GRK5: variants seen among roughly 807,000 people sequenced by gnomAD.
GRK5 encodes g protein-coupled receptor kinase GRK5.
In GRK5, 40 loss-of-function variants were observed where a neutral mutation model predicts 78.4. That is an observed-to-expected ratio of 0.51 (90% confidence interval 0.40 to 0.66). The LOEUF (loss-of-function observed/expected upper bound fraction) is 0.66. GRK5 is among the 30% of genes least tolerant of loss of function. The pLI, the probability that GRK5 is intolerant of heterozygous loss-of-function variation, is 0.00. For missense variants in GRK5, 598 were observed against 759.9 expected (o/e 0.79, Z 2.50); for synonymous variants, 289 against 296.8 (o/e 0.97, Z 0.27).
At chr10:119,347,463 TTG>T (rs1044115717) in intron 2 of GRK5, among the ~76,000 whole-genome samples, 10 of 152,276 alleles carry the variant, frequency 6.6e-5, no homozygotes, top group Admixed American at 3.3e-4. Context: ...ATGTGCGTGT[TTG>T]TGTGTGCATG....
intron 1 of GRK5, among the ~76,000 whole-genome samples, chr10:119,294,160 G>A (rs1234515234): frequency 1.3e-5 from 2 of 152,174 alleles, no homozygotes; most frequent in South Asian, 2.1e-4. Context: ...AGGCATGTGT[G>A]GTGATGAGAA....
intron 4 of GRK5, among the ~76,000 whole-genome samples, chr10:119,421,516 C>T (rs1431262472): frequency 6.6e-6 from 1 of 152,218 alleles, no homozygotes; most frequent in Non-Finnish European, 1.5e-5. Context: ...CCCATGACAT[C>T]GAGGATCTTT....
chr10:119,378,933 G>T lies in GRK5; in HGVS notation c.149-1882G>T, dbSNP rs747394126. Among the ~76,000 whole-genome samples, 1 of 152,218 alleles carries T rather than the reference G, an allele frequency of 6.6e-6. No homozygotes were observed. The highest frequency in any genetic ancestry group is 2.4e-5 in the African/African-American group (1 of 41,448). Reference sequence around the variant, plus strand: ...CTCTGATTGGCTGTGACTAAGTGACGTGTCCATCCGTGACCGTAGCACTGT... The same window carrying T: ...CTCTGATTGGCTGTGACTAAGTGACTTGTCCATCCGTGACCGTAGCACTGT... On this transcript the variant is annotated intron_variant, in intron 2 of 15. Transcript: ENST00000392870. The surrounding 1 kb of genome is among the most constrained non-coding windows in gnomAD (Gnocchi z 4.5).
At chr10:119,351,631 T>C (rs759130088) in intron 2 of GRK5, among the ~76,000 whole-genome samples, 4 of 152,026 alleles carry the variant, frequency 2.6e-5, no homozygotes, top group Admixed American at 6.6e-5. Context: ...TCAAGCAGAG[T>C]GAGGATGGAC....
At chr10:119,368,055 C>G (rs140210958) in intron 2 of GRK5, among the ~76,000 whole-genome samples, 2 of 152,230 alleles carry the variant, frequency 1.3e-5, no homozygotes, top group African/African-American at 4.8e-5. Context: ...CCCGGCCCTC[C>G]GTGGCTTTTG....
At chr10:119,308,289 C>G (rs1850304080) in intron 1 of GRK5, among the ~76,000 whole-genome samples, 1 of 152,122 alleles carries the variant, frequency 6.6e-6, no homozygotes. Flanking sequence ...CTCACCCTGC[C>G]CCGGCCTCAG....
At position 119,336,960 on chromosome 10, in the gene GRK5, AAGGCACGAGCTC is replaced by A. The variant is rs1349537616; in HGVS notation, c.148+10356_148+10367del. Among the ~76,000 whole-genome samples the A allele has an allele frequency of 6.6e-6, 1 of 152,100 alleles. No individual in the cohort carries two copies. Among genetic ancestry groups the A allele is most frequent in the Non-Finnish European group, 1.5e-5 (1 of 68,026 alleles). On this transcript the variant is annotated intron_variant, in intron 2 of 15. Transcript: ENST00000392870. This position sits in a 1 kb window ranked among gnomAD's most constrained non-coding sequence, Gnocchi z 4.5. The stretch of plus-strand genomic sequence containing the variant: ...TACGGCCGGAAGCTCCTTGAAAGAG[AAGGCACGAGCTC>A]AGGCACATGCAAGATGCCCAGCGAT...
intron 3 of GRK5, among the ~76,000 whole-genome samples, chr10:119,394,363 T>TACGTGG (rs1851975822): frequency 1.8e-5 from 2 of 109,582 alleles, no homozygotes; most frequent in African/African-American, 3.6e-5. Flanking sequence ...GGTGTGTGGG[T>TACGTGG]GTGTGTGGGT....
chr10:119,344,338 C>T (rs1392234407), intron 2 of GRK5, among the ~76,000 whole-genome samples: 1 of 152,140 alleles, frequency 6.6e-6, no homozygotes, highest in Admixed American at 6.5e-5. Context: ...GCTTCCCCCA[C>T]CCCACGACAG....
At chr10:119,426,335 CG>C (rs199536812) in intron 6 of GRK5, among the ~76,000 whole-genome samples, 2,561 of 152,264 alleles carry the variant, frequency 0.017, 76 homozygotes, top group African/African-American at 0.059. Context: ...CCTTAGTGGC[CG>C]CTGTCCACCC....
chr10:119,363,836 G>A (rs1310244908), intron 2 of GRK5, among the ~76,000 whole-genome samples: 1 of 152,216 alleles, frequency 6.6e-6, no homozygotes, highest in African/African-American at 2.4e-5. Flanking sequence ...AGGTGGCAGG[G>A]AAGTCTTTCT....
chr10:119,427,270 A>ATC, intron 6 of GRK5, among the ~76,000 whole-genome samples: 1 of 6,826 alleles, frequency 1.5e-4, no homozygotes, highest in East Asian at 1.7e-3. Context: ...CATCAGCATC[A>ATC]ACCACCATCT....
At chr10:119,327,170 C>A (rs1021970672) in intron 2 of GRK5, among the ~76,000 whole-genome samples, 1 of 152,186 alleles carries the variant, frequency 6.6e-6, no homozygotes, top group African/African-American at 2.4e-5. Flanking sequence ...TCCTGAGGAG[C>A]CACTGGGCTC....
chr10:119,268,778 AGGGTTGGACT>A (rs1849541173), intron 1 of GRK5, among the ~76,000 whole-genome samples: 1 of 152,234 alleles, frequency 6.6e-6, no homozygotes, highest in East Asian at 1.9e-4. Context: ...AGTAATGAAT[AGGGTTGGACT>A]GGTGCTGCCT....
chr10:119,333,807 C>G lies in GRK5; in HGVS notation c.148+7196C>G, dbSNP rs372694414. ...CGCTGATCTCCTGGAGCTCATCCAC[C>G]AAGGAGCATGGGAGACCAACTGAAA... On this transcript the variant is annotated intron_variant, in intron 2 of 15. Coordinates refer to ENST00000392870, the MANE Select transcript of GRK5 (RefSeq NM_005308.3). The G allele has an allele frequency of 5.6e-6, 3 of 532,996 alleles. No homozygotes were observed. In the African/African-American group the frequency reaches 5.8e-5, roughly 10 times the overall value. 33.0% of individuals were successfully genotyped at this position (532,996 alleles called of 1,614,324 possible). A position where few individuals can be genotyped will look rare whatever the true frequency, so the allele number is the denominator to read the frequency against.
At chr10:119,405,758 C>T (rs574467467) in intron 4 of GRK5, among the ~76,000 whole-genome samples, 14 of 152,264 alleles carry the variant, frequency 9.2e-5, no homozygotes, top group Non-Finnish European at 1.8e-4. Context: ...ATAAAAATGG[C>T]GCCTACCTGT....
chr10:119,288,019 A>G (rs1456334980), intron 1 of GRK5, among the ~76,000 whole-genome samples: 1 of 152,146 alleles, frequency 6.6e-6, no homozygotes, highest in East Asian at 1.9e-4. Flanking sequence ...GACGGTCCTC[A>G]CAGGTAGAAC....
chr10:119,302,883 G>T (rs1037841876), intron 1 of GRK5, among the ~76,000 whole-genome samples: 3 of 152,196 alleles, frequency 2.0e-5, no homozygotes, highest in African/African-American at 7.2e-5. Flanking sequence ...CTGCCCTACT[G>T]CTGTATATGC....
At chr10:119,437,926 T>C (rs1240564137) in intron 9 of GRK5, among the ~76,000 whole-genome samples, 1 of 152,130 alleles carries the variant, frequency 6.6e-6, no homozygotes, top group East Asian at 1.9e-4. Context: ...GGTGAAACCC[T>C]GTCTCTACTA....
Sources: allele counts gnomAD v4.1 joint callset (sites outside exome capture counted in the v4.1 genomes callset), GRCh38; gene constraint gnomAD v4.1.1; non-coding constraint Gnocchi (gnomAD v3.1); transcripts MANE v1.5; gene names NCBI Gene and HGNC (gene_info 2026-07-23, HGNC 2026-07-21).